Variants in SBF2 observed in about 807,000 individuals in gnomAD.
SBF2 encodes the protein SET binding factor 2, also known as myotubularin-related protein 13.
SBF2 carries 112 observed loss-of-function variants against 225.2 expected under a neutral mutation model. The observed-to-expected ratio is 0.50, with a 90% confidence interval of 0.43 to 0.58. SBF2 has a LOEUF of 0.58. SBF2 is among the 20% of genes least tolerant of loss of function. The pLI is 0.00. For synonymous variants in SBF2, 763 were observed against 773.3 expected (o/e 0.99, Z 0.22); for missense variants, 1,996 against 2,206.2 (o/e 0.90, Z 1.91).
intron 1 of SBF2, among the ~76,000 whole-genome samples, chr11:10,196,727 G>A (rs1957366849): frequency 6.6e-6 from 1 of 150,562 alleles, no homozygotes. Context: ...AGTGCAGAAA[G>A]GATTTTAAAT....
At chr11:10,118,967 T>C (rs922070578) in intron 2 of SBF2, among the ~76,000 whole-genome samples, 9 of 150,212 alleles carry the variant, frequency 6.0e-5, no homozygotes, top group Non-Finnish European at 7.4e-5. Context: ...TCTTCCTCTG[T>C]TAAAGTCACA....
chr11:10,295,810 GA>G (rs562078115), upstream of SBF2, among the ~76,000 whole-genome samples: 6 of 149,184 alleles, frequency 4.0e-5, no homozygotes, highest in East Asian at 2.0e-4. Context: ...GAACTATCCA[GA>G]AAAAAAAAAT....
At chr11:9,905,189 C>G (rs528848081) in intron 16 of SBF2, among the ~76,000 whole-genome samples, 6 of 152,272 alleles carry the variant, frequency 3.9e-5, no homozygotes, top group African/African-American at 1.4e-4. Flanking sequence ...GTTATTATCA[C>G]TGAGGCTAGG....
chr11:9,834,648 G>T (rs1056751137), intron 26 of SBF2, among the ~76,000 whole-genome samples: 1 of 152,120 alleles, frequency 6.6e-6, no homozygotes, highest in Non-Finnish European at 1.5e-5. Flanking sequence ...CTGAATTTTT[G>T]TAATACCACA....
intron 2 of SBF2, among the ~76,000 whole-genome samples, chr11:10,147,887 G>C (rs1221708660): frequency 6.6e-6 from 1 of 152,040 alleles, no homozygotes. Flanking sequence ...CCAATAAATA[G>C]CAGCTACTAG....
chr11:10,162,676 G>C (rs1955804053), intron 2 of SBF2, among the ~76,000 whole-genome samples: 1 of 152,134 alleles, frequency 6.6e-6, no homozygotes, highest in African/African-American at 2.4e-5. Flanking sequence ...CCGTATTCTA[G>C]CATCCTTATC....
intron 2 of SBF2, among the ~76,000 whole-genome samples, chr11:10,083,206 A>G (rs1027610541): frequency 6.6e-6 from 1 of 152,236 alleles, no homozygotes; most frequent in Admixed American, 6.5e-5. Context: ...AAGGACAACT[A>G]TAAGATACTG....
chr11:9,792,939 GTTTT>G (rs34305025), intron 33 of SBF2, among the ~76,000 whole-genome samples: 1 of 121,192 alleles, frequency 8.3e-6, no homozygotes, highest in Non-Finnish European at 1.7e-5. Context: ...GTGTGTGTGT[GTTTT>G]TTTTTTTTTT....
At chr11:10,108,587 C>G (rs978825402) in intron 2 of SBF2, among the ~76,000 whole-genome samples, 3 of 136,306 alleles carry the variant, frequency 2.2e-5, no homozygotes, top group African/African-American at 8.2e-5. Context: ...TGCAGTGGCG[C>G]GATCTCGGCT....
Position 9,856,546 on chromosome 11 carries a change from C to A in SBF2, c.2275G>T (p.Val759Phe). Residue 759 changes from valine (V) to phenylalanine (F), a missense_variant, in exon 19 of 40, where the codon GTT (valine) becomes TTT (phenylalanine). Val to Phe is a conservative substitution (Grantham distance 50, BLOSUM62 -1). Transcript: ENST00000256190. Reference protein sequence around the residue: ...HFANLMVNLLVPLDTSKNKLL... With the variant: ...HFANLMVNLLFPLDTSKNKLL... ...TTGTTTTTACTTGTGTCGAGTGGAA[C>A]TAGCAGGTTCACCATGAGGTTTGCA... is the stretch of plus-strand genomic sequence containing the variant. The A allele has an allele frequency of 6.2e-7, 1 of 1,614,146 alleles. No homozygotes were observed. The highest frequency in any genetic ancestry group is 8.5e-7 in the Non-Finnish European group (1 of 1,180,028).
At chr11:10,205,011 G>A (rs1957703646) in intron 1 of SBF2, among the ~76,000 whole-genome samples, 1 of 151,770 alleles carries the variant, frequency 6.6e-6, no homozygotes, top group South Asian at 2.1e-4. Flanking sequence ...CCTGTTGGGG[G>A]GAGGTGGGAG....
At chr11:10,229,716 C>G (rs149019726) in intron 1 of SBF2, among the ~76,000 whole-genome samples, 3,292 of 152,154 alleles carry the variant, frequency 0.022, 90 homozygotes, top group African/African-American at 0.065. Flanking sequence ...ATTTGCTGAG[C>G]AGTGCTTTAC....
At chr11:10,243,717 T>C (rs1026779418) in intron 1 of SBF2, among the ~76,000 whole-genome samples, 3 of 151,988 alleles carry the variant, frequency 2.0e-5, no homozygotes, top group African/African-American at 7.2e-5. Context: ...GATAAATTCC[T>C]AGAAATGTAT....
intron 9 of SBF2, among the ~76,000 whole-genome samples, chr11:9,997,725 C>T (rs1289485412): frequency 1.3e-5 from 2 of 152,210 alleles, no homozygotes; most frequent in Admixed American, 6.5e-5. Flanking sequence ...TTGCAGTGAG[C>T]CCAGATCGTG....
At chr11:10,270,603 A>G (rs933461332) in intron 1 of SBF2, among the ~76,000 whole-genome samples, 5 of 152,236 alleles carry the variant, frequency 3.3e-5, no homozygotes, top group African/African-American at 1.2e-4. Context: ...TTGAAGAGTC[A>G]ACTGTATATA....
At chr11:10,019,190 C>T (rs188862548) in intron 6 of SBF2, among the ~76,000 whole-genome samples, 78 of 152,206 alleles carry the variant, frequency 5.1e-4, no homozygotes, top group African/African-American at 1.8e-3. Context: ...AAAAAACATA[C>T]TTCTACCATC....
intron 19 of SBF2, among the ~76,000 whole-genome samples, chr11:9,854,682 C>A (rs1857190981): frequency 6.6e-6 from 1 of 152,106 alleles, no homozygotes; most frequent in African/African-American, 2.4e-5. Flanking sequence ...CTCAAGAAAT[C>A]CTCCTGCAGC....
chr11:10,019,313 G>C (rs1276737263), intron 6 of SBF2, among the ~76,000 whole-genome samples: 1 of 152,236 alleles, frequency 6.6e-6, no homozygotes, highest in East Asian at 1.9e-4. Context: ...CTGAAGGTAA[G>C]CACATGGTAC....
At chr11:10,172,525 T>C (rs1385749746) in intron 2 of SBF2, among the ~76,000 whole-genome samples, 2 of 151,994 alleles carry the variant, frequency 1.3e-5, no homozygotes, top group African/African-American at 2.4e-5. Context: ...CTAATTTTTT[T>C]ATTTTTTAGT....
Sources: allele counts gnomAD v4.1 joint callset (sites outside exome capture counted in the v4.1 genomes callset), GRCh38; gene constraint gnomAD v4.1.1; transcripts MANE v1.5; gene names NCBI Gene and HGNC (gene_info 2026-07-23, HGNC 2026-07-21).